IGSF21: variants seen among roughly 807,000 people sequenced by gnomAD.
The protein encoded by IGSF21 is immunoglobulin superfamily member 21.
Under a neutral mutation model 46.8 loss-of-function variants are expected in IGSF21, and 28 were observed. The ratio of observed to expected loss-of-function variants is 0.60; its 90% CI spans 0.44 to 0.82. The LOEUF (loss-of-function observed/expected upper bound fraction) is 0.82, where lower values mean the gene tolerates loss of function less well. Ranked by LOEUF, IGSF21 falls within the 40% of genes least tolerant of loss-of-function variation. The pLI is 0.00. For missense variants in IGSF21, 624 were observed against 665.5 expected, an observed-to-expected ratio of 0.94 and a Z score of 0.69; for synonymous variants, 284 against 273.6, an observed-to-expected ratio of 1.04 and a Z score of -0.38.
intron 1 of IGSF21, among the ~76,000 whole-genome samples, chr1:18,208,824 A>G (rs970670556): frequency 3.3e-5 from 5 of 152,184 alleles, no homozygotes; most frequent in South Asian, 4.1e-4. Context: ...GATACTAACC[A>G]GGACACATTT....
chr1:18,275,036 A>G (rs2085086137), intron 2 of IGSF21, among the ~76,000 whole-genome samples: 2 of 141,052 alleles, frequency 1.4e-5, no homozygotes, highest in South Asian at 4.2e-4. Flanking sequence ...AAACAAAAAC[A>G]AACAAACAAA....
rs997197056 is a variant in IGSF21 at position 18,227,913 on chromosome 1, A to C, written c.86A>C (p.Asn29Thr). The change falls in exon 2 of 10, where the codon AAC becomes ACC. Residue 29 changes from asparagine (N) to threonine (T), a missense_variant. By Grantham distance (65) the Asn-to-Thr change is moderately conservative. Transcript: ENST00000251296. ...LDLARGYLTV[N>T]IEPLPPVVAG... ...TCTTCTGTAGGCTACCTGACAGTCA[A>C]CATTGAGCCTCTCCCCCCTGTGGTG... is the stretch of plus-strand genomic sequence containing the variant. 1 of 1,613,920 alleles carries C rather than the reference A, an allele frequency of 6.2e-7. No homozygotes were observed. Among genetic ancestry groups the C allele is most frequent in the South Asian group, 1.1e-5 (1 of 91,066 alleles).
chr1:18,299,634 C>CTT (rs2085342583), intron 3 of IGSF21, among the ~76,000 whole-genome samples: 1 of 152,212 alleles, frequency 6.6e-6, no homozygotes, highest in East Asian at 1.9e-4. Context: ...ACAACAAACA[C>CTT]AGGCCCTGCC....
At chr1:18,254,426 G>GACCTCTATCTGAATACAGCGAAT (rs1569641734) in intron 2 of IGSF21, among the ~76,000 whole-genome samples, 6 of 151,990 alleles carry the variant, frequency 3.9e-5, no homozygotes, top group African/African-American at 1.2e-4. Flanking sequence ...ACTGGATCTA[G>GACCTCTATCTGAATACAGCGAAT]GTATCTTTAA....
rs116228095 is a variant in IGSF21 at position 18,223,988 on chromosome 1, C to T, written c.71-3910C>T. On this transcript the variant is annotated intron_variant, in intron 1 of 9. Coordinates refer to ENST00000251296, the MANE Select transcript of IGSF21 (RefSeq NM_032880.5). ...CCTGGAATGGAAGACACAGTCACTC[C>T]TGCCTCGGTTTACAGTGGTGTTTCC... 2.5e-3 allele frequency among the ~76,000 whole-genome samples: 381 copies of T among 152,310 alleles called. 1 individual carries two copies. Among genetic ancestry groups the T allele is most frequent in the African/African-American group, 9.1e-3 (377 of 41,566 alleles).
At chr1:18,228,228 T>C (rs1341843432) in intron 2 of IGSF21, among the ~76,000 whole-genome samples, 1 of 152,160 alleles carries the variant, frequency 6.6e-6, no homozygotes, top group Non-Finnish European at 1.5e-5. Flanking sequence ...CCACCTTCTT[T>C]GTGCTCCTAT....
chr1:18,168,922 G>A (rs2086707260), intron 1 of IGSF21, among the ~76,000 whole-genome samples: 1 of 152,218 alleles, frequency 6.6e-6, no homozygotes, highest in African/African-American at 2.4e-5. Flanking sequence ...TGCTGGTGCA[G>A]GTGGACAGCC....
chr1:18,226,608 G>T (rs2084569320), intron 1 of IGSF21, among the ~76,000 whole-genome samples: 1 of 152,210 alleles, frequency 6.6e-6, no homozygotes, highest in Non-Finnish European at 1.5e-5. Flanking sequence ...GACCGTGCAG[G>T]TCCGCTCTGA....
At chr1:18,197,736 C>T (rs987476981) in intron 1 of IGSF21, among the ~76,000 whole-genome samples, 23 of 152,224 alleles carry the variant, frequency 1.5e-4, no homozygotes, top group African/African-American at 5.5e-4. Flanking sequence ...CTTTATCTAT[C>T]TGAGCCTAAG....
At chr1:18,241,157 A>T (rs112817445) in intron 2 of IGSF21, among the ~76,000 whole-genome samples, 1 of 152,172 alleles carries the variant, frequency 6.6e-6, no homozygotes, top group African/African-American at 2.4e-5. Flanking sequence ...AACGAATTTT[A>T]TAGGGTTCAG....
intron 1 of IGSF21, among the ~76,000 whole-genome samples, chr1:18,168,973 A>G (rs1040165100): frequency 1.3e-5 from 2 of 152,196 alleles, no homozygotes; most frequent in South Asian, 2.1e-4. Flanking sequence ...AGGCTTTGAA[A>G]TCAGGAGTAG....
intron 2 of IGSF21, among the ~76,000 whole-genome samples, chr1:18,257,197 G>A (rs1219048341): frequency 1.3e-5 from 2 of 152,078 alleles, no homozygotes; most frequent in South Asian, 4.2e-4. Flanking sequence ...GAAAACACAC[G>A]CTTTATTTTC....
At chr1:18,325,941 A>G (rs2085653497) in intron 3 of IGSF21, among the ~76,000 whole-genome samples, 2 of 140,468 alleles carry the variant, frequency 1.4e-5, no homozygotes, top group African/African-American at 6.3e-5. Context: ...CACTAGGCCA[A>G]GCTAACTGAC....
chr1:18,275,251 T>G (rs984930023), intron 2 of IGSF21, among the ~76,000 whole-genome samples: 6 of 152,164 alleles, frequency 3.9e-5, no homozygotes, highest in Non-Finnish European at 7.4e-5. Context: ...GAAACCACAC[T>G]GGGAGTAGAT....
intron 1 of IGSF21, among the ~76,000 whole-genome samples, chr1:18,154,758 A>G (rs2086553449): frequency 1.3e-5 from 2 of 151,038 alleles, no homozygotes; most frequent in Admixed American, 1.3e-4. Context: ...GTGTAACCAA[A>G]TTCGTCCTCT....
At chr1:18,367,201 A>G (rs987139340) in intron 6 of IGSF21, among the ~76,000 whole-genome samples, 2 of 152,198 alleles carry the variant, frequency 1.3e-5, no homozygotes, top group African/African-American at 2.4e-5. Flanking sequence ...AGCTTGTGTC[A>G]GGTGTTCTAG....
chr1:18,122,169 CT>C (rs2086239156), intron 1 of IGSF21, among the ~76,000 whole-genome samples: 1 of 142,158 alleles, frequency 7.0e-6, no homozygotes, highest in African/African-American at 2.6e-5. Flanking sequence ...GTGCTTTTTT[CT>C]TTTCTTTTTT....
rs149060603 is a variant in IGSF21 at position 18,376,955 on chromosome 1, G to A, written c.1257G>A (p.Leu419=). 8.1e-6 allele frequency: 13 copies of A among 1,601,926 alleles called. No homozygotes were observed. The African/African-American group carries it at 1.5e-4, about 18-fold the overall frequency. Residue 419 remains leucine, a synonymous_variant, in exon 8 of 10, where the codon CTG becomes CTA. Coordinates refer to ENST00000251296, the MANE Select transcript of IGSF21 (RefSeq NM_032880.5). ...ATCGCTGCACCGCCCAGAACCCACT[G>A]GGCTCCACCGACACGCACACCCGGC... The part of the protein sequence containing the change: ...SMYRCTAQNP[L]GSTDTHTRLI...
intron 4 of IGSF21, among the ~76,000 whole-genome samples, chr1:18,345,811 C>T (rs1270856206): frequency 6.6e-6 from 1 of 152,186 alleles, no homozygotes; most frequent in East Asian, 1.9e-4. Context: ...AATGTGAAAA[C>T]TGAGGGGTTA....
Sources: allele counts gnomAD v4.1 joint callset (sites outside exome capture counted in the v4.1 genomes callset), GRCh38; gene constraint gnomAD v4.1.1; transcripts MANE v1.5; gene names NCBI Gene and HGNC (gene_info 2026-07-23, HGNC 2026-07-21).